ZNF577: variants seen among roughly 807,000 people sequenced by gnomAD.
The protein encoded by ZNF577 is zinc finger protein 577.
In ZNF577, 14 loss-of-function variants were observed where a neutral mutation model predicts 13.9. The ratio of observed to expected loss-of-function variants is 1.00; its 90% CI spans 0.66 to 1.57. The LOEUF (loss-of-function observed/expected upper bound fraction) is 1.57, where lower values mean the gene tolerates loss of function less well. Ranked by LOEUF, ZNF577 falls within the 40% of genes most tolerant of loss-of-function variation. ZNF577 has a pLI of 0.00. For synonymous variants in ZNF577, 203 were observed against 202.9 expected (o/e 1.00, Z 0.00); for missense variants, 555 against 579.2 (o/e 0.96, Z 0.43).
At chr19:51,859,237 T>C (rs1160923975) in intron 5 of ZNF577, among the ~76,000 whole-genome samples, 2 of 152,238 alleles carry the variant, frequency 1.3e-5, no homozygotes, top group Non-Finnish European at 2.9e-5. Context: ...TATTTATTCA[T>C]CCTTTGATAG....
chr19:51,874,808 T>C (rs1452407963), intron 5 of ZNF577, among the ~76,000 whole-genome samples: 3 of 152,146 alleles, frequency 2.0e-5, no homozygotes, highest in East Asian at 1.9e-4. Context: ...ATAATTACAA[T>C]GGAGATGGAG....
chr19:51,822,809 C>T (rs2084200328), intron 9 of ZNF577, among the ~76,000 whole-genome samples: 1 of 152,032 alleles, frequency 6.6e-6, no homozygotes, highest in African/African-American at 2.4e-5. Flanking sequence ...AAATATAGGG[C>T]CCTCTTTGTT....
intron 9 of ZNF577, among the ~76,000 whole-genome samples, chr19:51,822,926 G>A (rs953132634): frequency 6.6e-6 from 1 of 152,010 alleles, no homozygotes; most frequent in African/African-American, 2.4e-5. Flanking sequence ...GCAGTGGCAC[G>A]ATCTTGGCTC....
intron 9 of ZNF577, among the ~76,000 whole-genome samples, chr19:51,834,986 A>G (rs1464562014): frequency 6.6e-6 from 1 of 152,210 alleles, no homozygotes; most frequent in Non-Finnish European, 1.5e-5. Context: ...ATTAGAGAAT[A>G]AGTGTGTGAA....
chr19:51,818,976 T>A (rs1357236334), intron 9 of ZNF577, among the ~76,000 whole-genome samples: 3 of 152,224 alleles, frequency 2.0e-5, no homozygotes, highest in Non-Finnish European at 4.4e-5. Flanking sequence ...TGTACAAATA[T>A]CCAAGCCTGA....
At chr19:51,847,113 G>A (rs935760220) in intron 5 of ZNF577, among the ~76,000 whole-genome samples, 6 of 152,252 alleles carry the variant, frequency 3.9e-5, no homozygotes, top group Admixed American at 1.3e-4. Flanking sequence ...CTAATTTCAA[G>A]TGTATACAAA....
rs1468695036 is a variant in ZNF577 at position 51,873,493 on chromosome 19, G to C, written c.497C>G (p.Ala166Gly). 12 of 1,614,138 alleles carry C rather than the reference G, an allele frequency of 7.4e-6. No homozygotes were observed. Among genetic ancestry groups the C allele is most frequent in the Admixed American group, 1.7e-5 (1 of 60,018 alleles). The change falls in exon 6 of 6, where the codon GCC becomes GGC. Residue 166 changes from alanine to glycine, a missense_variant. By Grantham distance (60) the Ala-to-Gly change is moderately conservative (BLOSUM62 0). Transcript: ENST00000638348. ...AATAAGCTGTGCTTTCCTGGAGAAG[G>C]CTCTCCCGCACACACTGCATTCATG... ...KPHECSVCGR[A>G]FSRKAQLIQH...
chr19:51,861,058 T>G (rs2084492968), intron 5 of ZNF577: 4 of 382,520 alleles, frequency 1.0e-5, no homozygotes, highest in Non-Finnish European at 2.0e-5. Flanking sequence ...AATGGAAAGC[T>G]TCTAGTTTTC....
At chr19:51,885,463 T>C (rs542687485) in intron 1 of ZNF577, among the ~76,000 whole-genome samples, 1 of 152,284 alleles carries the variant, frequency 6.6e-6, no homozygotes, top group Non-Finnish European at 1.5e-5. Context: ...GGTTTCTCCT[T>C]GTGTCTAGCA....
At chr19:51,857,376 AAGAAAG>A (rs1568442136) in intron 5 of ZNF577, among the ~76,000 whole-genome samples, 1 of 103,980 alleles carries the variant, frequency 9.6e-6, no homozygotes, top group Non-Finnish European at 1.9e-5. Context: ...GAAAGAAAGA[AAGAAAG>A]AAAGAAAGAA....
In ZNF577 at chr19:51,873,370, G is replaced by A; in HGVS notation, c.620C>T (p.Thr207Ile). The change falls in exon 6 of 6, where the codon ACT becomes ATT. Residue 207 changes from threonine to isoleucine, a missense_variant. Coordinates refer to ENST00000638348, the MANE Select transcript of ZNF577 (RefSeq NM_001370449.1). Reference protein sequence around the residue: ...RKIQLTEHQRTHTGEKPHECS... With the variant: ...RKIQLTEHQRIHTGEKPHECS... The stretch of plus-strand genomic sequence containing the variant: ...TTCATGGGGCTTCTCTCCTGTGTGA[G>A]TTCTCTGATGCTCAGTGAGCTGAAT... The A allele has an allele frequency of 6.2e-7, 1 of 1,614,184 alleles. No individual in the cohort carries two copies. The highest frequency in any genetic ancestry group is 1.1e-5 in the South Asian group (1 of 91,090).
intron 5 of ZNF577, among the ~76,000 whole-genome samples, chr19:51,857,084 A>G (rs959384175): frequency 6.6e-6 from 1 of 152,104 alleles, no homozygotes; most frequent in African/African-American, 2.4e-5. Context: ...GCGGAACATG[A>G]GGTCAAGAGA....
At chr19:51,823,211 C>T (rs183225319) in intron 9 of ZNF577, among the ~76,000 whole-genome samples, 1 of 152,200 alleles carries the variant, frequency 6.6e-6, no homozygotes, top group East Asian at 1.9e-4. Context: ...GTTCAAAATC[C>T]TCTTCAGCTA....
downstream of ZNF577, among the ~76,000 whole-genome samples, chr19:51,866,386 TAA>T (rs1226340862): frequency 1.3e-5 from 2 of 151,822 alleles, no homozygotes; most frequent in Admixed American, 1.3e-4. Flanking sequence ...AAAAGTAAAA[TAA>T]ATACATAAGG....
At chr19:51,811,976 T>C (rs1183366312) in intron 9 of ZNF577, among the ~76,000 whole-genome samples, 1 of 152,168 alleles carries the variant, frequency 6.6e-6, no homozygotes, top group Admixed American at 6.5e-5. Context: ...GCCCATATTG[T>C]CTTGAGAAGG....
chr19:51,813,613 C>A (rs766457950), intron 9 of ZNF577, among the ~76,000 whole-genome samples: 6 of 151,904 alleles, frequency 3.9e-5, no homozygotes, highest in Non-Finnish European at 5.9e-5. Context: ...TCACTGCAAG[C>A]TCCACCTCCC....
At chr19:51,833,243 C>T (rs2084269472) in intron 9 of ZNF577, among the ~76,000 whole-genome samples, 1 of 152,114 alleles carries the variant, frequency 6.6e-6, no homozygotes, top group South Asian at 2.1e-4. Context: ...GGCCTGGGAA[C>T]TCTCTCAAGT....
intron 5 of ZNF577, among the ~76,000 whole-genome samples, chr19:51,876,395 C>G (rs937242228): frequency 4.6e-5 from 7 of 151,648 alleles, no homozygotes; most frequent in Admixed American, 4.6e-4. Context: ...CCAGCAGGGG[C>G]CAGAGAGCTC....
intron 9 of ZNF577, among the ~76,000 whole-genome samples, chr19:51,834,051 C>T (rs1013186902): frequency 7.6e-6 from 1 of 131,464 alleles, no homozygotes; most frequent in African/African-American, 2.9e-5. Context: ...TTCAAAAACA[C>T]ACAATAGATT....
Sources: allele counts gnomAD v4.1 joint callset (sites outside exome capture counted in the v4.1 genomes callset), GRCh38; gene constraint gnomAD v4.1.1; transcripts MANE v1.5; gene names NCBI Gene and HGNC (gene_info 2026-07-23, HGNC 2026-07-21).